CREBRF: variants seen among roughly 807,000 people sequenced by gnomAD.
CREBRF encodes UPF0474 protein C5orf41.
Under a neutral mutation model 66.1 loss-of-function variants are expected in CREBRF, and 5 were observed. That is an observed-to-expected ratio of 0.08 (90% CI 0.04 to 0.16). The LOEUF (loss-of-function observed/expected upper bound fraction) is 0.16. Among genes scored for constraint, CREBRF ranks in the 10% least tolerant of loss-of-function variants. The pLI is 1.00. For missense variants in CREBRF, 531 were observed against 744.9 expected, an observed-to-expected ratio of 0.71 and a Z score of 3.34; for synonymous variants, 229 against 264.4, an observed-to-expected ratio of 0.87 and a Z score of 1.30.
intron 7 of CREBRF, among the ~76,000 whole-genome samples, chr5:173,120,828 G>T (rs1302357566): frequency 2.7e-5 from 4 of 150,748 alleles, no homozygotes; most frequent in African/African-American, 9.8e-5. Context: ...TGAGTAGCTG[G>T]GATTACAGGC....
intron 4 of CREBRF, among the ~76,000 whole-genome samples, chr5:173,106,408 C>T (rs1332076137): frequency 1.3e-5 from 2 of 150,178 alleles, no homozygotes; most frequent in South Asian, 2.1e-4. Flanking sequence ...CCAGCCTGGG[C>T]GACGGAGCAA....
At chr5:173,089,458 G>A (rs1294570553) in intron 3 of CREBRF, among the ~76,000 whole-genome samples, 1 of 151,808 alleles carries the variant, frequency 6.6e-6, no homozygotes, top group East Asian at 1.9e-4. Context: ...AAAATATATG[G>A]TGGGCAGTCT....
chr5:173,093,708 G>A (rs1236129109), intron 4 of CREBRF, among the ~76,000 whole-genome samples: 1 of 152,146 alleles, frequency 6.6e-6, no homozygotes, highest in Non-Finnish European at 1.5e-5. Flanking sequence ...GTTGAGATGG[G>A]GTTTTGCCAT....
intron 1 of CREBRF, among the ~76,000 whole-genome samples, chr5:173,062,479 C>T (rs1199334297): frequency 1.3e-5 from 2 of 152,048 alleles, no homozygotes; most frequent in Admixed American, 1.3e-4. Flanking sequence ...AAAATTGATC[C>T]GTTCTTTTAA....
At position 173,108,826 on chromosome 5, in the gene CREBRF, G is replaced by T. The variant is rs777363785; in HGVS notation, c.1417+8G>T. ...AAAATGGCTTACATCATGGTAAGAG[G>T]GGATTGCAGTCAGATATTTAGTGTC... is the stretch of plus-strand genomic sequence containing the variant. On this transcript the variant is annotated splice_region_variant and intron_variant, in intron 5 of 8. Transcript: ENST00000296953. The T allele has an allele frequency of 6.2e-7, 1 of 1,607,350 alleles. No individual in the cohort carries two copies. The highest frequency in any genetic ancestry group is 8.5e-7 in the Non-Finnish European group (1 of 1,176,582).
intron 1 of CREBRF, among the ~76,000 whole-genome samples, chr5:173,078,447 A>T (rs901216071): frequency 5.9e-5 from 9 of 151,594 alleles, no homozygotes; most frequent in Non-Finnish European, 8.8e-5. Context: ...TCTCATTTAC[A>T]AAAAGGTTTA....
intron 6 of CREBRF, 28 bp downstream of exon 6, chr5:173,110,739 G>T: frequency 6.4e-7 from 1 of 1,573,488 alleles, no homozygotes. Flanking sequence ...TCACTCATGT[G>T]AAGAAAGTTT....
At chr5:173,093,732 G>C (rs1758407158) in intron 4 of CREBRF, among the ~76,000 whole-genome samples, 1 of 152,102 alleles carries the variant, frequency 6.6e-6, no homozygotes, top group Admixed American at 6.6e-5. Context: ...GCCCAGGCAT[G>C]TCTTGAACTT....
chr5:173,095,334 G>T (rs1284777838), intron 4 of CREBRF, among the ~76,000 whole-genome samples: 2 of 151,396 alleles, frequency 1.3e-5, no homozygotes, highest in Non-Finnish European at 2.9e-5. Context: ...GACTACAGGC[G>T]CCCGCCACCA....
In CREBRF at chr5:173,135,584, AAATTATCT is replaced by A. The variant is rs1327031912; in HGVS notation, c.*1841_*1848del. ...AAAATTTCAGGCATAGCTGCTGGAA[AAATTATCT>A]ATTTCTCCATTACCCACTGTAGGAT... On this transcript the variant is annotated 3_prime_UTR_variant, in exon 9 of 9. Transcript: ENST00000296953. 6.6e-5 allele frequency: 10 copies of A among 152,472 alleles called. No homozygotes were observed. The East Asian group carries it at 1.2e-3, about 18-fold the overall frequency. 9.4% of individuals were successfully genotyped at this position (152,472 alleles called of 1,614,324 possible). A position where few individuals can be genotyped will look rare whatever the true frequency, so the allele number is the denominator to read the frequency against.
chr5:173,057,495 G>C (rs1368522778), intron 1 of CREBRF: 2 of 152,322 alleles, frequency 1.3e-5, no homozygotes, highest in Non-Finnish European at 2.9e-5. Flanking sequence ...ACCGAGGGCA[G>C]TCAAGCCTCC....
At chr5:173,059,249 T>C (rs1036407375) in intron 1 of CREBRF, among the ~76,000 whole-genome samples, 1 of 131,022 alleles carries the variant, frequency 7.6e-6, no homozygotes, top group Admixed American at 8.2e-5. Flanking sequence ...TATCAGTTCT[T>C]CTTTTTCTTT....
intron 1 of CREBRF, chr5:173,068,089 A>G (rs1419165317): frequency 2.2e-6 from 1 of 450,754 alleles, no homozygotes; most frequent in East Asian, 7.0e-5. Context: ...TTTTTACCTT[A>G]GTTTTATTAG....
At chr5:173,074,158 C>T (rs1341549403) in intron 1 of CREBRF, among the ~76,000 whole-genome samples, 4 of 151,574 alleles carry the variant, frequency 2.6e-5, no homozygotes, top group South Asian at 4.2e-4. Flanking sequence ...CAAAATTAGC[C>T]GGGTGTTGTG....
intron 1 of CREBRF, chr5:173,060,527 C>A (rs1757239603): frequency 6.6e-6 from 1 of 151,848 alleles, no homozygotes; most frequent in East Asian, 1.9e-4. Flanking sequence ...CACCGTGCCC[C>A]CTCTAGTTAT....
chr5:173,116,909 T>C (rs1032008130), intron 7 of CREBRF, among the ~76,000 whole-genome samples: 2 of 152,200 alleles, frequency 1.3e-5, no homozygotes, highest in African/African-American at 4.8e-5. Flanking sequence ...TATATTCTTA[T>C]TTTTACAAAT....
chr5:173,101,633 A>G (rs1258837904), intron 4 of CREBRF, among the ~76,000 whole-genome samples: 2 of 151,622 alleles, frequency 1.3e-5, no homozygotes, highest in East Asian at 3.9e-4. Context: ...ACTCACTGCA[A>G]CCTCTGCCTC....
intron 4 of CREBRF, chr5:173,092,041 A>G: frequency 4.9e-6 from 2 of 410,734 alleles, no homozygotes; most frequent in Non-Finnish European, 6.6e-6. Context: ...ACATCGCACC[A>G]TTGCACTCCA....
intron 7 of CREBRF, among the ~76,000 whole-genome samples, chr5:173,120,988 C>T (rs1002984569): frequency 1.1e-4 from 16 of 152,120 alleles, no homozygotes; most frequent in East Asian, 5.8e-4. Context: ...CCACCGCGTC[C>T]GGCCTTCCTG....
Sources: allele counts gnomAD v4.1 joint callset (sites outside exome capture counted in the v4.1 genomes callset), GRCh38; gene constraint gnomAD v4.1.1; transcripts MANE v1.5; gene names NCBI Gene and HGNC (gene_info 2026-07-23, HGNC 2026-07-21).